OPCML: variants seen among roughly 807,000 people sequenced by gnomAD.
OPCML encodes opioid-binding protein/cell adhesion molecule.
A neutral mutation model predicts 37.8 loss-of-function variants in OPCML; 13 were observed. That is an observed-to-expected ratio of 0.34 (90% CI 0.22 to 0.55). The LOEUF (loss-of-function observed/expected upper bound fraction) is 0.55, where lower values mean the gene tolerates loss of function less well. Among genes scored for constraint, OPCML ranks in the 20% least tolerant of loss-of-function variants. The pLI is 0.91. For missense variants in OPCML, 341 were observed against 435.6 expected (o/e 0.78, Z 1.93); for synonymous variants, 176 against 168.8 (o/e 1.04, Z -0.33).
intron 2 of OPCML, among the ~76,000 whole-genome samples, chr11:132,768,387 A>ACTC (rs1419976500): frequency 1.5e-4 from 23 of 151,788 alleles, no homozygotes; most frequent in Admixed American, 1.4e-3. Flanking sequence ...GATTCATTTA[A>ACTC]CTCCTCCCCC....
chr11:132,820,886 GC>G (rs1486863833), intron 2 of OPCML, among the ~76,000 whole-genome samples: 3 of 152,140 alleles, frequency 2.0e-5, no homozygotes, highest in Non-Finnish European at 4.4e-5. Flanking sequence ...CTGAGAGGGG[GC>G]CTTATTATAG....
At chr11:132,946,766 G>A (rs978478159) in intron 1 of OPCML, among the ~76,000 whole-genome samples, 2 of 152,160 alleles carry the variant, frequency 1.3e-5, no homozygotes, top group African/African-American at 4.8e-5. Flanking sequence ...GGGGCTCAGG[G>A]AGCAGCCCCA....
At chr11:133,394,035 A>C (rs1945233225) in intron 1 of OPCML, among the ~76,000 whole-genome samples, 1 of 152,034 alleles carries the variant, frequency 6.6e-6, no homozygotes, top group Non-Finnish European at 1.5e-5. Context: ...CCCCCATCTT[A>C]GTACAACTCA....
chr11:133,177,759 G>A lies in OPCML; in HGVS notation c.62-234749C>T, dbSNP rs1160809217. On this transcript the variant is annotated intron_variant, in intron 1 of 7. Coordinates refer to ENST00000524381, the MANE Select transcript of OPCML (RefSeq NM_001012393.5). The surrounding 1 kb of genome is among the most constrained non-coding windows in gnomAD (Gnocchi z 5.0). ...TGCTCGAGCAAATGTGGAATCTCAT[G>A]GAATCGGCCCCACACACTCACCGAA... Among the ~76,000 whole-genome samples the A allele has an allele frequency of 1.3e-5, 2 of 152,170 alleles. No individual in the cohort carries two copies.
chr11:133,379,146 C>T (rs2136775420), intron 1 of OPCML, among the ~76,000 whole-genome samples: 1 of 152,276 alleles, frequency 6.6e-6, no homozygotes, highest in Non-Finnish European at 1.5e-5. Context: ...ATATCATAAC[C>T]TATCAATAAT....
At chr11:133,229,756 G>T (rs930442082) in intron 1 of OPCML, among the ~76,000 whole-genome samples, 3 of 152,180 alleles carry the variant, frequency 2.0e-5, no homozygotes, top group Non-Finnish European at 4.4e-5. Flanking sequence ...TGAGGGTAAG[G>T]GGGAACTGCT....
chr11:133,135,569 A>G (rs1270195688), intron 1 of OPCML, among the ~76,000 whole-genome samples: 1 of 152,060 alleles, frequency 6.6e-6, no homozygotes, highest in Non-Finnish European at 1.5e-5. Flanking sequence ...GTGGGCGACC[A>G]ACAATCTCCC....
chr11:133,256,756 A>G (rs1187011191), intron 1 of OPCML, among the ~76,000 whole-genome samples: 1 of 152,280 alleles, frequency 6.6e-6, no homozygotes, highest in Non-Finnish European at 1.5e-5. Context: ...GTAATAAAAC[A>G]TAATGATATA....
At chr11:133,237,478 G>A (rs1429947322) in intron 1 of OPCML, among the ~76,000 whole-genome samples, 4 of 152,198 alleles carry the variant, frequency 2.6e-5, no homozygotes, top group African/African-American at 4.8e-5. Context: ...TTGAGGGAGG[G>A]AAACAACTTT....
At chr11:133,150,123 G>T (rs987289837) in intron 1 of OPCML, among the ~76,000 whole-genome samples, 1 of 152,236 alleles carries the variant, frequency 6.6e-6, no homozygotes, top group Non-Finnish European at 1.5e-5. Flanking sequence ...ACCTTAAATA[G>T]TGGTCTTGGG....
intron 1 of OPCML, among the ~76,000 whole-genome samples, chr11:133,169,963 T>C (rs1029735319): frequency 3.3e-5 from 5 of 151,706 alleles, no homozygotes; most frequent in African/African-American, 1.2e-4. Flanking sequence ...TCAAAGAACA[T>C]TGTATGAGTG....
intron 1 of OPCML, among the ~76,000 whole-genome samples, chr11:133,264,567 C>G (rs1941596437): frequency 6.6e-6 from 1 of 152,156 alleles, no homozygotes; most frequent in South Asian, 2.1e-4. Flanking sequence ...GGTGAATGCA[C>G]ACTTACCCTC....
chr11:132,872,206 A>T lies in OPCML; in HGVS notation c.146+70720T>A, dbSNP rs1203855911. The stretch of plus-strand genomic sequence containing the variant: ...GTCAAGAAGAAGAGCAAAAGGAAAA[A>T]TTCTTTTTCTAAAGATATTCAGAAG... On this transcript the variant is annotated intron_variant, in intron 2 of 7. Transcript: ENST00000524381. Among the ~76,000 whole-genome samples, 98 of 152,208 alleles carry T rather than the reference A, an allele frequency of 6.4e-4. 2 individuals carry two copies. The highest frequency in any genetic ancestry group is 2.9e-5 in the Non-Finnish European group (2 of 68,034).
intron 1 of OPCML, among the ~76,000 whole-genome samples, chr11:133,127,469 C>CA (rs892036661): frequency 9.2e-5 from 14 of 151,696 alleles, no homozygotes; most frequent in Non-Finnish European, 1.3e-4. Flanking sequence ...CCTGTCTCTA[C>CA]AAAAAATACA....
chr11:132,933,569 GAT>G (rs1491290591), intron 2 of OPCML, among the ~76,000 whole-genome samples: 3 of 144,758 alleles, frequency 2.1e-5, no homozygotes, highest in African/African-American at 7.4e-5. Context: ...AGAAAAGGGA[GAT>G]GTGTGTGTGT....
At chr11:132,985,531 C>A (rs960802312) in intron 1 of OPCML, among the ~76,000 whole-genome samples, 2 of 152,224 alleles carry the variant, frequency 1.3e-5, no homozygotes, top group African/African-American at 4.8e-5. Flanking sequence ...TCACACCTCT[C>A]TCTTTCAAAG....
intron 1 of OPCML, among the ~76,000 whole-genome samples, chr11:133,161,104 A>G (rs1028860414): frequency 4.6e-5 from 7 of 152,188 alleles, no homozygotes; most frequent in African/African-American, 1.7e-4. Flanking sequence ...AAGGGAATCC[A>G]CAGGAGGATG....
rs771153162 is a variant in OPCML, at chr11:132,436,611, G to C, written c.764+48C>G. 7 of 1,604,898 alleles carry C rather than the reference G, an allele frequency of 4.4e-6. No homozygotes were observed. The Admixed American group carries it at 6.7e-5, about 15-fold the overall frequency. The stretch of plus-strand genomic sequence containing the variant: ...CTCATCCTTCTCCCATGTGGGGATA[G>C]ACCATCAGCTCTGCTTCAGAACTGT... On this transcript the variant is annotated intron_variant, in intron 6 of 7. Transcript: ENST00000524381.
intron 1 of OPCML, among the ~76,000 whole-genome samples, chr11:133,517,991 C>T (rs1948318903): frequency 1.3e-5 from 2 of 152,178 alleles, no homozygotes; most frequent in Non-Finnish European, 2.9e-5. Context: ...TCTAGCACTG[C>T]CAGTTCCGAG....
Sources: gnomAD v4.1 joint callset for allele counts (sites outside exome capture counted in the v4.1 genomes callset) on GRCh38, gnomAD v4.1.1 for gene constraint, Gnocchi (gnomAD v3.1) non-coding constraint, MANE v1.5 for transcripts, NCBI Gene and HGNC (gene_info 2026-07-23, HGNC 2026-07-21) for gene names.